The following RABGAP1L variants were observed in gnomAD, a reference collection of about 807,000 sequenced individuals.
RABGAP1L encodes the protein RAB GTPase activating protein 1 like, also known as rab GTPase-activating protein 1-like.
In RABGAP1L, 63 loss-of-function variants were observed where a neutral mutation model predicts 137.7. That is an observed-to-expected ratio of 0.46 (90% CI 0.37 to 0.56). The LOEUF (loss-of-function observed/expected upper bound fraction) is 0.56, where lower values mean the gene tolerates loss of function less well. Ranked by LOEUF, RABGAP1L falls within the 20% of genes least tolerant of loss-of-function variation. The pLI is 0.00. For synonymous variants in RABGAP1L, 431 were observed against 433.7 expected (o/e 0.99, Z 0.08); for missense variants, 1,095 against 1,244.0 (o/e 0.88, Z 1.80).
At chr1:174,670,674 AT>A (rs1422450164) in intron 14 of RABGAP1L, among the ~76,000 whole-genome samples, 1 of 152,114 alleles carries the variant, frequency 6.6e-6, no homozygotes, top group Non-Finnish European at 1.5e-5. Flanking sequence ...TGCCTGGCTT[AT>A]TTCACTTAAC....
intron 5 of RABGAP1L, among the ~76,000 whole-genome samples, chr1:174,249,948 G>A (rs912999651): frequency 1.3e-5 from 2 of 151,984 alleles, no homozygotes; most frequent in Admixed American, 1.3e-4. Flanking sequence ...CGGCCCTCTT[G>A]CCCTTCTTCA....
intron 13 of RABGAP1L, among the ~76,000 whole-genome samples, chr1:174,616,539 C>G (rs1320098430): frequency 2.6e-5 from 4 of 152,084 alleles, no homozygotes; most frequent in African/African-American, 9.7e-5. Flanking sequence ...AGGTGGCAAT[C>G]AAATGGGGGT....
intron 13 of RABGAP1L, among the ~76,000 whole-genome samples, chr1:174,442,812 C>T (rs72713590): frequency 0.017 from 2,554 of 152,082 alleles, 23 homozygotes; most frequent in Non-Finnish European, 0.028. Context: ...ACCACTAGAA[C>T]GTATTCCTTC....
chr1:174,601,245 C>T (rs941348787), intron 13 of RABGAP1L, among the ~76,000 whole-genome samples: 18 of 152,198 alleles, frequency 1.2e-4, no homozygotes, highest in Non-Finnish European at 1.9e-4. Context: ...CTTTTTCCTC[C>T]GGGGCCTCCA....
intron 19 of RABGAP1L, among the ~76,000 whole-genome samples, chr1:174,833,274 A>T (rs1340264964): frequency 6.7e-6 from 1 of 150,054 alleles, no homozygotes; most frequent in South Asian, 2.1e-4. Flanking sequence ...ATCACAGCTC[A>T]CTGCAGCTTC....
intron 13 of RABGAP1L, among the ~76,000 whole-genome samples, chr1:174,400,717 G>A (rs1022147382): frequency 3.9e-5 from 6 of 151,960 alleles, no homozygotes; most frequent in African/African-American, 7.3e-5. Flanking sequence ...TGCCAGGGAG[G>A]AGGTGGCAGC....
chr1:174,818,944 G>A (rs1690717738), intron 19 of RABGAP1L, among the ~76,000 whole-genome samples: 1 of 151,978 alleles, frequency 6.6e-6, no homozygotes, highest in Non-Finnish European at 1.5e-5. Flanking sequence ...TTGAGCTTGG[G>A]AGGCATGGGT....
chr1:174,683,258 A>G (rs1678218684), intron 14 of RABGAP1L, among the ~76,000 whole-genome samples: 1 of 151,916 alleles, frequency 6.6e-6, no homozygotes, highest in Non-Finnish European at 1.5e-5. Flanking sequence ...ATCTTTTAAT[A>G]TTAACTTAGG....
intron 13 of RABGAP1L, among the ~76,000 whole-genome samples, chr1:174,559,827 C>A (rs1212592965): frequency 2.0e-5 from 3 of 152,150 alleles, no homozygotes; most frequent in Admixed American, 6.5e-5. Flanking sequence ...ATAGAGCAGG[C>A]ACATGTATCC....
At chr1:174,711,134 G>A (rs1171409054) in intron 17 of RABGAP1L, among the ~76,000 whole-genome samples, 1 of 152,154 alleles carries the variant, frequency 6.6e-6, no homozygotes. Context: ...CGCTGTGAGT[G>A]CGGGGCCTGC....
intron 1 of RABGAP1L, among the ~76,000 whole-genome samples, chr1:174,165,199 A>G (rs1280455150): frequency 6.6e-6 from 1 of 152,218 alleles, no homozygotes; most frequent in Non-Finnish European, 1.5e-5. Flanking sequence ...CCCAGGCTGG[A>G]GTACAGTGGT....
intron 19 of RABGAP1L, among the ~76,000 whole-genome samples, chr1:174,836,774 A>G (rs1398316428): frequency 6.6e-6 from 1 of 152,118 alleles, no homozygotes; most frequent in East Asian, 1.9e-4. Flanking sequence ...CTCTTGAGGG[A>G]AGGTATGAGG....
intron 19 of RABGAP1L, among the ~76,000 whole-genome samples, chr1:174,937,213 A>G (rs1203244284): frequency 6.6e-6 from 1 of 151,870 alleles, no homozygotes; most frequent in Non-Finnish European, 1.5e-5. Context: ...TCCTGACCTC[A>G]GGTGATCTAC....
Position 174,249,741 on chromosome 1 carries a change from C to G in RABGAP1L, c.718-734C>G, listed in dbSNP as rs540017254. ...CACTGCAACCTCCACCTGCCAGGTT[C>G]AAGCAATTCTCCTGCTTCAGCCTCC... On this transcript the variant is annotated intron_variant, in intron 5 of 25. Transcript: ENST00000681986. Among the ~76,000 whole-genome samples the G allele has an allele frequency of 4.6e-5, 7 of 151,658 alleles. No individual in the cohort carries two copies. The East Asian group carries it at 1.4e-3, about 29-fold the overall frequency.
At chr1:174,770,514 T>G (rs966650235) in intron 18 of RABGAP1L, among the ~76,000 whole-genome samples, 2 of 152,194 alleles carry the variant, frequency 1.3e-5, no homozygotes, top group African/African-American at 4.8e-5. Context: ...GGAAGACAGT[T>G]GAATAAACAC....
chr1:174,305,154 T>C (rs1678084848), intron 11 of RABGAP1L, 27 bp downstream of exon 11: 4 of 1,505,700 alleles, frequency 2.7e-6, no homozygotes, highest in Non-Finnish European at 3.5e-6. Flanking sequence ...ACTCAGTTTA[T>C]TCTGTCTGTA....
intron 13 of RABGAP1L, among the ~76,000 whole-genome samples, chr1:174,546,607 C>G (rs1666028406): frequency 6.6e-6 from 1 of 152,182 alleles, no homozygotes; most frequent in Non-Finnish European, 1.5e-5. Context: ...ATAGAAGGTG[C>G]TTTTAAAGAT....
intron 17 of RABGAP1L, among the ~76,000 whole-genome samples, chr1:174,724,720 G>A (rs1681849530): frequency 6.6e-6 from 1 of 152,016 alleles, no homozygotes; most frequent in Admixed American, 6.6e-5. Flanking sequence ...ATACACTAAT[G>A]GGCAGATAAT....
intron 13 of RABGAP1L, among the ~76,000 whole-genome samples, chr1:174,551,317 A>G (rs1392545009): frequency 6.6e-6 from 1 of 152,042 alleles, no homozygotes; most frequent in Non-Finnish European, 1.5e-5. Context: ...AAGCCTCAAC[A>G]TATTTAAAAG....
Sources: allele counts gnomAD v4.1 joint callset (sites outside exome capture counted in the v4.1 genomes callset), GRCh38; gene constraint gnomAD v4.1.1; transcripts MANE v1.5; gene names NCBI Gene and HGNC (gene_info 2026-07-23, HGNC 2026-07-21).